PPP1R3D: variants seen among roughly 807,000 people sequenced by gnomAD.
PPP1R3D encodes the protein PP1 subunit R6.
Under a neutral mutation model 16.3 loss-of-function variants are expected in PPP1R3D, and 27 were observed. That is an observed-to-expected ratio of 1.66 (90% CI 1.22 to 2.29). The LOEUF (loss-of-function observed/expected upper bound fraction) is 2.29, where lower values mean the gene tolerates loss of function less well. Ranked by LOEUF, PPP1R3D falls within the 30% of genes most tolerant of loss-of-function variation. PPP1R3D has a pLI of 0.00. For missense variants in PPP1R3D, 472 were observed against 438.3 expected (o/e 1.08, Z -0.69); for synonymous variants, 223 against 209.7 (o/e 1.06, Z -0.55).
Position 59,939,844 on chromosome 20 carries a change from GGT to G in PPP1R3D, c.86_87del (p.Asp29AlafsTer13). The G allele has an allele frequency of 8.0e-6, 10 of 1,243,158 alleles. No individual in the cohort carries two copies. The highest frequency in any genetic ancestry group is 1.0e-5 in the Non-Finnish European group (10 of 994,184). The allele number at this position is 1,243,158 out of a possible 1,614,324, so 77.0% of individuals were successfully genotyped here. A position where few individuals can be genotyped will look rare whatever the true frequency, so the allele number is the denominator to read the frequency against. ...LGPRSLSCLSDLDGGVALEPR... is the reference protein window; with the variant it reads ...LGPRSLSCLSXLDGGVALEPR... ...GGCTCCAGGGCCACGCCGCCGTCCA[GGT>G]CCGACAGGCAGCTGAGGCTCCGGGG... On this transcript the variant is annotated frameshift_variant, in exon 1 of 1. Transcript: ENST00000370996. LOFTEE classifies it high-confidence loss of function.
rs182404360 is a variant in PPP1R3D, at chr20:59,937,074, G to A, written c.*1958C>T. On this transcript the variant is annotated 3_prime_UTR_variant, in exon 1 of 1. Coordinates refer to ENST00000370996, the MANE Select transcript of PPP1R3D (RefSeq NM_006242.4). ...AATGTTGGTATTTTTTAAAAGGCAC[G>A]GGAGGTTCACTTAATATTAAATATA... The A allele has an allele frequency of 5.2e-5, 8 of 152,658 alleles. No individual in the cohort carries two copies. Among genetic ancestry groups the A allele is most frequent in the Admixed American group, 3.9e-4 (6 of 15,294 alleles). The allele number at this position is 152,658 out of a possible 1,614,324, so 9.5% of individuals were successfully genotyped here.
At position 59,936,690 on chromosome 20, in the gene PPP1R3D, G is replaced by A. The variant is rs1285305434; in HGVS notation, c.*2342C>T. On this transcript the variant is annotated 3_prime_UTR_variant, in exon 1 of 1. Transcript: ENST00000370996. ...AGGCACAATGACAAAATTTATTTTT[G>A]CCAAGGCTCTACGTTTATCAGTGTT... 6.6e-6 allele frequency: 1 copy of A among 152,136 alleles called. No homozygotes were observed. The highest frequency in any genetic ancestry group is 1.5e-5 in the Non-Finnish European group (1 of 68,034). The allele number at this position is 152,136 out of a possible 1,614,324, so 9.4% of individuals were successfully genotyped here.
At position 59,938,088 on chromosome 20, in the gene PPP1R3D, AAT is replaced by A. The variant is rs750968095; in HGVS notation, c.*942_*943del. 8.5e-5 allele frequency: 13 copies of A among 152,368 alleles called. No homozygotes were observed. The highest frequency in any genetic ancestry group is 1.2e-4 in the Non-Finnish European group (8 of 68,036). The allele number at this position is 152,368 out of a possible 1,614,324, so 9.4% of individuals were successfully genotyped here. A position where few individuals can be genotyped will look rare whatever the true frequency, so the allele number is the denominator to read the frequency against. On this transcript the variant is annotated 3_prime_UTR_variant, in exon 1 of 1. Transcript: ENST00000370996. ...CTTCTGATGCTTAACAAGAAATAAA[AAT>A]AGTCACCTTAATCATCAAAAAGGTA... is the stretch of plus-strand genomic sequence containing the variant.
Position 59,940,109 on chromosome 20 carries a change from C to T in PPP1R3D, c.-178G>A. ...CCACCTTGCTCCTCGAGTCCTTGTC[C>T]AGGTCCTCCGCTTCTTGCGGTTAAA... On this transcript the variant is annotated 5_prime_UTR_variant, in exon 1 of 1. Transcript: ENST00000370996. 1 of 439,590 alleles carries T rather than the reference C, an allele frequency of 2.3e-6. No individual in the cohort carries two copies. Among genetic ancestry groups the T allele is most frequent in the Non-Finnish European group, 4.0e-6 (1 of 252,092 alleles). 27.2% of individuals were successfully genotyped at this position (439,590 alleles called of 1,614,324 possible). A position where few individuals can be genotyped will look rare whatever the true frequency, so the allele number is the denominator to read the frequency against.
At position 59,937,201 on chromosome 20, in the gene PPP1R3D, A is replaced by G. The variant is rs938915138; in HGVS notation, c.*1831T>C. On this transcript the variant is annotated 3_prime_UTR_variant, in exon 1 of 1. Coordinates refer to ENST00000370996, the MANE Select transcript of PPP1R3D (RefSeq NM_006242.4). ...AAATAAATCTGGCAGCTCTTAACTC[A>G]TATCTAAATTCTCTGGACAACTGTC... 11 of 152,648 alleles carry G rather than the reference A, an allele frequency of 7.2e-5. No individual in the cohort carries two copies. Among genetic ancestry groups the G allele is most frequent in the Admixed American group, 5.2e-4 (8 of 15,276 alleles). The allele number at this position is 152,648 out of a possible 1,614,324, so 9.5% of individuals were successfully genotyped here.
In PPP1R3D at chr20:59,939,924, C is replaced by G; in HGVS notation, c.8G>C (p.Arg3Thr). Residue 3 changes from arginine (R) to threonine (T), a missense_variant, in exon 1 of 1, where the codon AGA becomes ACA. Physicochemically the swap from Arg to Thr is moderately conservative, Grantham distance 71. Transcript: ENST00000370996. ...AGGCAGGACCGCGGAGCTCGGGCCT[C>G]TGGACATGGCCCCGCCGGCCGTCGG... MSRGPSSAVLPSA... is the reference protein window; with the variant it reads MSTGPSSAVLPSA... 3 of 1,261,274 alleles carry G rather than the reference C, an allele frequency of 2.4e-6. No homozygotes were observed. Among genetic ancestry groups the G allele is most frequent in the Non-Finnish European group, 3.0e-6 (3 of 997,618 alleles). The allele number at this position is 1,261,274 out of a possible 1,614,324, so 78.1% of individuals were successfully genotyped here.
chr20:59,937,079 G>T lies in PPP1R3D; in HGVS notation c.*1953C>A, dbSNP rs1009154075. 15 of 152,530 alleles carry T rather than the reference G, an allele frequency of 9.8e-5. No individual in the cohort carries two copies. The highest frequency in any genetic ancestry group is 3.4e-4 in the African/African-American group (14 of 41,408). The allele number at this position is 152,530 out of a possible 1,614,324, so 9.4% of individuals were successfully genotyped here. A position where few individuals can be genotyped will look rare whatever the true frequency, so the allele number is the denominator to read the frequency against. ...TGGTATTTTTTAAAAGGCACGGGAG[G>T]TTCACTTAATATTAAATATATAACA... On this transcript the variant is annotated 3_prime_UTR_variant, in exon 1 of 1. Coordinates refer to ENST00000370996, the MANE Select transcript of PPP1R3D (RefSeq NM_006242.4).
chr20:59,939,101 G>A lies in PPP1R3D; in HGVS notation c.831C>T (p.Leu277=). The A allele has an allele frequency of 6.3e-7, 1 of 1,597,820 alleles. No individual in the cohort carries two copies. The highest frequency in any genetic ancestry group is 8.5e-7 in the Non-Finnish European group (1 of 1,174,812). Residue 277 remains leucine, a synonymous_variant, in exon 1 of 1, where the codon CTC becomes CTT. Transcript: ENST00000370996. ...TGTGCAGCGCGTGGTTGCGACATGT[G>A]AGGCTGTAGTCTCGGTGGTCGTTGT... ...WDNNDHRDYS[L]TCRNHALHMP...
Position 59,939,288 on chromosome 20 carries a change from C to T in PPP1R3D, c.644G>A (p.Ser215Asn). Residue 215 changes from serine to asparagine, a missense_variant, in exon 1 of 1, where the codon AGT (serine) becomes AAT (asparagine). By Grantham distance (46) the Ser-to-Asn change is conservative (BLOSUM62 1). Coordinates refer to ENST00000370996, the MANE Select transcript of PPP1R3D (RefSeq NM_006242.4). ...CCACCGCGCCACCGCCTCGTGGGTA[C>T]TGCGCCAGCCCGAGAAAGTGTAGCG... ...AVRYTFSGWR[S>N]THEAVARWRG... is the part of the protein sequence containing the mutation. The T allele has an allele frequency of 6.2e-7, 1 of 1,612,416 alleles. No homozygotes were observed. Among genetic ancestry groups the T allele is most frequent in the Non-Finnish European group, 8.5e-7 (1 of 1,179,794 alleles).
In PPP1R3D at chr20:59,939,221, G is replaced by A. The variant is rs779708077; in HGVS notation, c.711C>T (p.Thr237=). ...AGPEGTEDVF[T]FGFPVPPFLL... ...GGAAGGGCGGTACTGGAAAGCCGAA[G>A]GTGAAAACGTCCTCCGTGCCCTCGG... is the stretch of plus-strand genomic sequence containing the variant. The change falls in exon 1 of 1, where the codon ACC becomes ACT. Residue 237 remains threonine (T), a synonymous_variant. Coordinates refer to ENST00000370996, the MANE Select transcript of PPP1R3D (RefSeq NM_006242.4). 6 of 1,610,990 alleles carry A rather than the reference G, an allele frequency of 3.7e-6. No homozygotes were observed. In the South Asian group the frequency reaches 5.5e-5, roughly 15 times the overall value.
At position 59,936,757 on chromosome 20, in the gene PPP1R3D, A is replaced by G. The variant is rs2060864828; in HGVS notation, c.*2275T>C. On this transcript the variant is annotated 3_prime_UTR_variant, in exon 1 of 1. Transcript: ENST00000370996. Reference sequence around the variant, plus strand: ...TTGCATGTGAAATGATTTAGACAAGAAGTTTCTAAAGCTTGGTCTTCTGTA... The same window carrying G: ...TTGCATGTGAAATGATTTAGACAAGGAGTTTCTAAAGCTTGGTCTTCTGTA... 6.6e-6 allele frequency: 1 copy of G among 152,250 alleles called. No individual in the cohort carries two copies. Among genetic ancestry groups the G allele is most frequent in the Non-Finnish European group, 1.5e-5 (1 of 68,044 alleles). The allele number at this position is 152,250 out of a possible 1,614,324, so 9.4% of individuals were successfully genotyped here. A position where few individuals can be genotyped will look rare whatever the true frequency, so the allele number is the denominator to read the frequency against.
rs2060877150 is a variant in PPP1R3D at position 59,938,777 on chromosome 20, ACCCCACCACCCTG to A, written c.*242_*254del. On this transcript the variant is annotated 3_prime_UTR_variant, in exon 1 of 1. Transcript: ENST00000370996. The stretch of plus-strand genomic sequence containing the variant: ...AGAGGGCCCACCCTCCCATGCACCT[ACCCCACCACCCTG>A]CCCCAACTCATTACACAACTCGGCC... 1 of 349,852 alleles carries A rather than the reference ACCCCACCACCCTG, an allele frequency of 2.9e-6. No homozygotes were observed. Among genetic ancestry groups the A allele is most frequent in the East Asian group, 4.4e-5 (1 of 22,618 alleles). The allele number at this position is 349,852 out of a possible 1,614,324, so 21.7% of individuals were successfully genotyped here. A position where few individuals can be genotyped will look rare whatever the true frequency, so the allele number is the denominator to read the frequency against.
chr20:59,938,794 C>A lies in PPP1R3D; in HGVS notation c.*238G>T, dbSNP rs908337797. On this transcript the variant is annotated 3_prime_UTR_variant, in exon 1 of 1. Coordinates refer to ENST00000370996, the MANE Select transcript of PPP1R3D (RefSeq NM_006242.4). ...ATGCACCTACCCCACCACCCTGCCC[C>A]AACTCATTACACAACTCGGCCTTCT... 1.5e-5 allele frequency: 6 copies of A among 387,332 alleles called. No individual in the cohort carries two copies. Among genetic ancestry groups the A allele is most frequent in the African/African-American group, 1.0e-4 (5 of 48,654 alleles). The allele number at this position is 387,332 out of a possible 1,614,324, so 24.0% of individuals were successfully genotyped here. A position where few individuals can be genotyped will look rare whatever the true frequency, so the allele number is the denominator to read the frequency against.
In PPP1R3D at chr20:59,937,936, T is replaced by C. The variant is rs1177125049; in HGVS notation, c.*1096A>G. The C allele has an allele frequency of 6.6e-6, 1 of 152,268 alleles. No individual in the cohort carries two copies. The highest frequency in any genetic ancestry group is 1.5e-5 in the Non-Finnish European group (1 of 68,032). The allele number at this position is 152,268 out of a possible 1,614,324, so 9.4% of individuals were successfully genotyped here. A position where few individuals can be genotyped will look rare whatever the true frequency, so the allele number is the denominator to read the frequency against. The stretch of plus-strand genomic sequence containing the variant: ...CCTGATAAAACATGATGTATGTAAA[T>C]ACAGTTCAAAACAATTTAAAAGTAT... On this transcript the variant is annotated 3_prime_UTR_variant, in exon 1 of 1. Coordinates refer to ENST00000370996, the MANE Select transcript of PPP1R3D (RefSeq NM_006242.4).
chr20:59,939,563 G>T lies in PPP1R3D; in HGVS notation c.369C>A (p.Asp123Glu), dbSNP rs1200031411. The T allele has an allele frequency of 6.2e-7, 1 of 1,611,302 alleles. No individual in the cohort carries two copies. Reference sequence around the variant, plus strand: ...GCACGTGCAGCGGCACGGACGGGTCGTCTCCCGCGTTGAACACCTTGACCT... The same window carrying T: ...GCACGTGCAGCGGCACGGACGGGTCTTCTCCCGCGTTGAACACCTTGACCT... ...LAQVKVFNAG[D>E]DPSVPLHVLS... Residue 123 changes from aspartate (D) to glutamate (E), a missense_variant, in exon 1 of 1, where the codon GAC becomes GAA. Physicochemically the swap from Asp to Glu is conservative, Grantham distance 45. Coordinates refer to ENST00000370996, the MANE Select transcript of PPP1R3D (RefSeq NM_006242.4).
Position 59,938,464 on chromosome 20 carries a change from C to T in PPP1R3D, c.*568G>A, listed in dbSNP as rs1439022454. 1 of 152,392 alleles carries T rather than the reference C, an allele frequency of 6.6e-6. No individual in the cohort carries two copies. The highest frequency in any genetic ancestry group is 2.4e-5 in the African/African-American group (1 of 41,428). The allele number at this position is 152,392 out of a possible 1,614,324, so 9.4% of individuals were successfully genotyped here. On this transcript the variant is annotated 3_prime_UTR_variant, in exon 1 of 1. Transcript: ENST00000370996. ...TTAGAAGGCTACAGCCGTTGGCAAT[C>T]AGATGTGGGCTCAGGTTTTCCTTAT...
rs1184159302 is a variant in PPP1R3D at position 59,938,818 on chromosome 20, C to T, written c.*214G>A. On this transcript the variant is annotated 3_prime_UTR_variant, in exon 1 of 1. Transcript: ENST00000370996. Reference sequence around the variant, plus strand: ...CCAACTCATTACACAACTCGGCCTTCTGGCCACCTGAGGCTACTTTTTAGA... The same window carrying T: ...CCAACTCATTACACAACTCGGCCTTTTGGCCACCTGAGGCTACTTTTTAGA... The T allele has an allele frequency of 1.2e-5, 5 of 421,202 alleles. No homozygotes were observed. The highest frequency in any genetic ancestry group is 2.0e-5 in the Non-Finnish European group (5 of 245,040). 26.1% of individuals were successfully genotyped at this position (421,202 alleles called of 1,614,324 possible).
rs567847258 is a variant in PPP1R3D, at chr20:59,939,175, C to G, written c.757G>C (p.Val253Leu). 1.9e-6 allele frequency: 3 copies of G among 1,609,724 alleles called. No individual in the cohort carries two copies. The highest frequency in any genetic ancestry group is 1.1e-5 in the South Asian group (1 of 90,988). ...PPFLLELGSRVHFAVRYQVAG... is the reference protein window; with the variant it reads ...PPFLLELGSRLHFAVRYQVAG... ...ACTTGGTAGCGCACCGCGAAGTGCA[C>G]GCGGGAGCCGAGCTCCAGCAGGAAG... The change falls in exon 1 of 1, where the codon GTG becomes CTG. Residue 253 changes from valine (V) to leucine (L), a missense_variant. Coordinates refer to ENST00000370996, the MANE Select transcript of PPP1R3D (RefSeq NM_006242.4).
In PPP1R3D at chr20:59,939,633, T is replaced by A; in HGVS notation, c.299A>T (p.Lys100Met). The A allele has an allele frequency of 1.9e-6, 3 of 1,576,516 alleles. No individual in the cohort carries two copies. The highest frequency in any genetic ancestry group is 1.2e-5 in the South Asian group (1 of 86,822). Residue 100 changes from lysine to methionine, a missense_variant, in exon 1 of 1, where the codon AAG (lysine) becomes ATG (methionine). Coordinates refer to ENST00000370996, the MANE Select transcript of PPP1R3D (RefSeq NM_006242.4). ...GAACRPGCSQ[K>M]LRVRFADALG... The stretch of plus-strand genomic sequence containing the variant: ...GGCGTCGGCGAAGCGCACGCGGAGC[T>A]TCTGGCTGCAGCCCGGCCGACACGC...
Sources: gnomAD v4.1 joint callset for allele counts on GRCh38, gnomAD v4.1.1 for gene constraint, MANE v1.5 for transcripts, NCBI Gene and HGNC (gene_info 2026-07-23, HGNC 2026-07-21) for gene names.